SLCO2B1: variants seen among roughly 807,000 people sequenced by gnomAD.
SLCO2B1 encodes solute carrier organic anion transporter family member 2B1.
A neutral mutation model predicts 67.3 loss-of-function variants in SLCO2B1; 41 were observed. The ratio of observed to expected loss-of-function variants is 0.61; its 90% CI spans 0.47 to 0.79. The LOEUF (loss-of-function observed/expected upper bound fraction) is 0.79, where lower values mean the gene tolerates loss of function less well. Ranked by LOEUF, SLCO2B1 falls within the 30% of genes least tolerant of loss-of-function variation. The pLI, the probability that SLCO2B1 is intolerant of heterozygous loss-of-function variation, is 0.00. For missense variants in SLCO2B1, 837 were observed against 920.1 expected, an observed-to-expected ratio of 0.91 and a Z score of 1.17; for synonymous variants, 379 against 381.4, an observed-to-expected ratio of 0.99 and a Z score of 0.07.
At chr11:75,181,119 A>C (rs1456862733) in intron 7 of SLCO2B1, among the ~76,000 whole-genome samples, 1 of 152,102 alleles carries the variant, frequency 6.6e-6, no homozygotes, top group African/African-American at 2.4e-5. Context: ...CTGTAATCCC[A>C]GCACTTTGGG....
intron 9 of SLCO2B1, among the ~76,000 whole-genome samples, chr11:75,194,753 A>G (rs1945076945): frequency 6.6e-6 from 1 of 152,172 alleles, no homozygotes; most frequent in Admixed American, 6.5e-5. Context: ...GTAAATGGAT[A>G]TTTTATCACA....
chr11:75,168,307 C>T (rs1053337319), intron 4 of SLCO2B1, among the ~76,000 whole-genome samples: 2 of 152,304 alleles, frequency 1.3e-5, no homozygotes, highest in Admixed American at 6.5e-5. Flanking sequence ...AGGCTTCTTT[C>T]ACGTTCTTGA....
At chr11:75,195,955 G>C (rs949646955) in intron 9 of SLCO2B1, among the ~76,000 whole-genome samples, 1 of 152,170 alleles carries the variant, frequency 6.6e-6, no homozygotes, top group Admixed American at 6.5e-5. Flanking sequence ...CCAGGGATTT[G>C]GGAACAGGCC....
At chr11:75,190,113 C>A (rs995827355) in intron 8 of SLCO2B1, among the ~76,000 whole-genome samples, 1 of 152,248 alleles carries the variant, frequency 6.6e-6, no homozygotes, top group African/African-American at 2.4e-5. Flanking sequence ...AGGCCACCCC[C>A]AGATGCTATT....
chr11:75,182,892 G>A (rs1950106684), intron 7 of SLCO2B1, among the ~76,000 whole-genome samples: 1 of 152,050 alleles, frequency 6.6e-6, no homozygotes, highest in Non-Finnish European at 1.5e-5. Flanking sequence ...AAAAAATGTT[G>A]GGAAGTGATC....
chr11:75,182,123 G>A (rs1950098620), intron 7 of SLCO2B1, among the ~76,000 whole-genome samples: 2 of 152,096 alleles, frequency 1.3e-5, no homozygotes, highest in South Asian at 2.1e-4. Flanking sequence ...CTCCACCACC[G>A]TGCCTCTGCT....
At chr11:75,179,495 G>T (rs1291671032) in intron 7 of SLCO2B1, among the ~76,000 whole-genome samples, 1 of 152,010 alleles carries the variant, frequency 6.6e-6, no homozygotes, top group Admixed American at 6.6e-5. Flanking sequence ...GCCTCCCAAA[G>T]TGCTGGGATT....
Position 75,200,218 on chromosome 11 carries a change from C to T in SLCO2B1, c.1600-6C>T. ...TTGAAGTCTCTTCCTCCTCTTCCCA[C>T]TCCAGGTTTTCTACACCAACTGCAG... On this transcript the variant is annotated splice_region_variant and splice_polypyrimidine_tract_variant and intron_variant, in intron 10 of 13. Transcript: ENST00000289575. 6.2e-7 allele frequency: 1 copy of T among 1,607,978 alleles called. No individual in the cohort carries two copies. Among genetic ancestry groups the T allele is most frequent in the South Asian group, 1.1e-5 (1 of 90,226 alleles).
chr11:75,153,987 G>A (rs879455386), intron 1 of SLCO2B1, among the ~76,000 whole-genome samples: 4 of 147,728 alleles, frequency 2.7e-5, no homozygotes, highest in East Asian at 2.0e-4. Context: ...GGGCAATGGC[G>A]CCATCTCGGC....
At chr11:75,200,674 C>T (rs1279560325) in intron 11 of SLCO2B1, 9 of 311,438 alleles carry the variant, frequency 2.9e-5, no homozygotes, top group Non-Finnish European at 4.7e-5. Flanking sequence ...AGCCCAGGCT[C>T]CTACTTGCCC....
intron 7 of SLCO2B1, among the ~76,000 whole-genome samples, chr11:75,175,649 G>T (rs891326635): frequency 1.3e-5 from 2 of 151,980 alleles, no homozygotes; most frequent in South Asian, 2.1e-4. Flanking sequence ...GATCAGACAA[G>T]GTCTGTCGGC....
At chr11:75,182,688 G>A (rs1689084837) in intron 7 of SLCO2B1, among the ~76,000 whole-genome samples, 1 of 151,962 alleles carries the variant, frequency 6.6e-6, no homozygotes, top group Admixed American at 6.6e-5. Flanking sequence ...GTTGCAGTGA[G>A]CTGAGATTGC....
chr11:75,152,991 C>A (rs1358486456), intron 1 of SLCO2B1, among the ~76,000 whole-genome samples: 1 of 152,172 alleles, frequency 6.6e-6, no homozygotes, highest in African/African-American at 2.4e-5. Flanking sequence ...CCGGCTCCAG[C>A]AGAGCCCCTC....
Position 75,163,419 on chromosome 11 carries a change from C to T in SLCO2B1, c.148-544C>T, listed in dbSNP as rs530094059. Reference sequence around the variant, plus strand: ...TGTTTGGGGTGGGGTTCAGTGTGTGCAGGTGGCCTCACAGTGCCACTCTGG... The same window carrying T: ...TGTTTGGGGTGGGGTTCAGTGTGTGTAGGTGGCCTCACAGTGCCACTCTGG... On this transcript the variant is annotated intron_variant, in intron 2 of 13. Transcript: ENST00000289575. 2.6e-5 allele frequency among the ~76,000 whole-genome samples: 4 copies of T among 152,134 alleles called. No homozygotes were observed. The South Asian group carries it at 8.3e-4, about 32-fold the overall frequency.
chr11:75,153,339 G>C (rs1949713138), intron 1 of SLCO2B1, among the ~76,000 whole-genome samples: 1 of 152,166 alleles, frequency 6.6e-6, no homozygotes, highest in Non-Finnish European at 1.5e-5. Flanking sequence ...CCATTCTAGG[G>C]CAGACAGGTG....
In SLCO2B1 at chr11:75,203,399, T is replaced by C; in HGVS notation, c.1921T>C (p.Tyr641His). 6.2e-7 allele frequency: 1 copy of C among 1,614,178 alleles called. No individual in the cohort carries two copies. Among genetic ancestry groups the C allele is most frequent in the Non-Finnish European group, 8.5e-7 (1 of 1,180,024 alleles). The change falls in exon 13 of 14, where the codon TAC becomes CAC. Residue 641 changes from tyrosine to histidine, a missense_variant. Coordinates refer to ENST00000289575, the MANE Select transcript of SLCO2B1 (RefSeq NM_007256.5). Reference sequence around the variant, plus strand: ...CTGTGGGCGTCGAGCTGTCTGTCGCTACTACAATAATGACCTGCTCCGAAA... The same window carrying C: ...CTGTGGGCGTCGAGCTGTCTGTCGCCACTACAATAATGACCTGCTCCGAAA... ...LSCGRRAVCR[Y>H]YNNDLLRNRF...
chr11:75,179,290 G>A (rs1466744818), intron 7 of SLCO2B1, among the ~76,000 whole-genome samples: 1 of 129,844 alleles, frequency 7.7e-6, no homozygotes, highest in Non-Finnish European at 1.6e-5. Flanking sequence ...GGAGTACAGT[G>A]GTGCGATCTT....
At chr11:75,175,164 A>G (rs930486046) in intron 7 of SLCO2B1, among the ~76,000 whole-genome samples, 2 of 152,140 alleles carry the variant, frequency 1.3e-5, no homozygotes, top group East Asian at 3.9e-4. Flanking sequence ...AGGTTCTTTA[A>G]AAAGAAACAA....
At chr11:75,165,443 A>AG (rs1256213536) in intron 3 of SLCO2B1, among the ~76,000 whole-genome samples, 2 of 152,200 alleles carry the variant, frequency 1.3e-5, no homozygotes, top group East Asian at 3.9e-4. Flanking sequence ...AAAAAAAAAA[A>AG]AAAAATTCAA....
Sources: allele counts gnomAD v4.1 joint callset (sites outside exome capture counted in the v4.1 genomes callset), GRCh38; gene constraint gnomAD v4.1.1; transcripts MANE v1.5; gene names NCBI Gene and HGNC (gene_info 2026-07-23, HGNC 2026-07-21).